HMBOX1: variants seen among roughly 807,000 people sequenced by gnomAD.
The protein encoded by HMBOX1 is homeobox-containing protein 1.
A neutral mutation model predicts 54.5 loss-of-function variants in HMBOX1; 14 were observed. The observed-to-expected ratio is 0.26, with a 90% CI of 0.17 to 0.40. The LOEUF (loss-of-function observed/expected upper bound fraction) is 0.40. HMBOX1 is among the 10% of genes least tolerant of loss of function. The pLI, the probability that HMBOX1 is intolerant of heterozygous loss-of-function variation, is 1.00. For synonymous variants in HMBOX1, 160 were observed against 181.0 expected (o/e 0.88, Z 0.93); for missense variants, 332 against 514.4 (o/e 0.65, Z 3.43).
intron 1 of HMBOX1, among the ~76,000 whole-genome samples, chr8:28,955,053 A>G (rs1197618493): frequency 1.3e-5 from 2 of 152,150 alleles, no homozygotes; most frequent in Non-Finnish European, 2.9e-5. Flanking sequence ...TCATTGCTCT[A>G]CTTGACTTCA....
Position 29,053,128 on chromosome 8 carries a change from G to A in HMBOX1, c.*1973G>A, listed in dbSNP as rs1806591534. 6.6e-6 allele frequency: 1 copy of A among 152,460 alleles called. No homozygotes were observed. The highest frequency in any genetic ancestry group is 1.5e-5 in the Non-Finnish European group (1 of 68,044). The allele number at this position is 152,460 out of a possible 1,614,324, so 9.4% of individuals were successfully genotyped here. The stretch of plus-strand genomic sequence containing the variant: ...TTAATCCTGCTTATGTGAGTGTGAG[G>A]AAAGTCTTTGAGAGGGCATGAAAGT... On this transcript the variant is annotated 3_prime_UTR_variant, in exon 10 of 10. Transcript: ENST00000287701.
At chr8:28,954,956 A>G (rs74462618) in intron 1 of HMBOX1, among the ~76,000 whole-genome samples, 2 of 152,156 alleles carry the variant, frequency 1.3e-5, no homozygotes, top group Non-Finnish European at 2.9e-5. Context: ...CCTTCTGGCA[A>G]TACAGTATCG....
chr8:28,945,536 A>G (rs904516716), intron 1 of HMBOX1, among the ~76,000 whole-genome samples: 2 of 152,262 alleles, frequency 1.3e-5, no homozygotes, highest in Admixed American at 1.3e-4. Flanking sequence ...CTCAAGTAAG[A>G]TAACAGTAGG....
At chr8:28,941,991 T>A (rs1821512599) in intron 1 of HMBOX1, among the ~76,000 whole-genome samples, 2 of 152,200 alleles carry the variant, frequency 1.3e-5, no homozygotes, top group South Asian at 4.1e-4. Context: ...CCTTACAGCC[T>A]CCTTGGGAAG....
intron 4 of HMBOX1, among the ~76,000 whole-genome samples, chr8:28,984,823 A>G (rs529011488): frequency 6.6e-6 from 1 of 152,246 alleles, no homozygotes; most frequent in Non-Finnish European, 1.5e-5. Flanking sequence ...AGCATGCAGA[A>G]TAAATGAGTA....
intron 1 of HMBOX1, among the ~76,000 whole-genome samples, chr8:28,953,830 G>A (rs1480911026): frequency 6.6e-6 from 1 of 152,080 alleles, no homozygotes; most frequent in Non-Finnish European, 1.5e-5. Flanking sequence ...TCCTCTTTCT[G>A]CTCTTTTACA....
At chr8:29,031,426 ATAT>A (rs1223220573) in intron 6 of HMBOX1, among the ~76,000 whole-genome samples, 2 of 152,238 alleles carry the variant, frequency 1.3e-5, no homozygotes, top group East Asian at 1.9e-4. Context: ...AAGAAACAGT[ATAT>A]TATTATAATA....
At chr8:28,964,281 A>C (rs1826086579) in intron 2 of HMBOX1, among the ~76,000 whole-genome samples, 1 of 152,156 alleles carries the variant, frequency 6.6e-6, no homozygotes, top group Non-Finnish European at 1.5e-5. Flanking sequence ...ATACATCTTC[A>C]TGTTGCCTTT....
At chr8:28,984,470 A>G (rs1249710423) in intron 4 of HMBOX1, among the ~76,000 whole-genome samples, 1 of 152,240 alleles carries the variant, frequency 6.6e-6, no homozygotes, top group Non-Finnish European at 1.5e-5. Context: ...ATTATAAGAT[A>G]AACAAGAAGT....
At chr8:29,048,397 GA>G (rs1412792374) in intron 8 of HMBOX1, 1 of 152,152 alleles carries the variant, frequency 6.6e-6, no homozygotes, top group African/African-American at 2.4e-5. Flanking sequence ...ACTGAAAAAG[GA>G]AGAAATAAAG....
At chr8:28,916,665 GATCT>G (rs1816617273) in intron 1 of HMBOX1, among the ~76,000 whole-genome samples, 1 of 151,892 alleles carries the variant, frequency 6.6e-6, no homozygotes, top group Non-Finnish European at 1.5e-5. Context: ...CTATTCTATT[GATCT>G]ATCTGTCTGT....
intron 1 of HMBOX1, among the ~76,000 whole-genome samples, chr8:28,930,485 A>G (rs956101422): frequency 2.6e-5 from 4 of 152,172 alleles, no homozygotes; most frequent in Non-Finnish European, 2.9e-5. Context: ...AAGGCCCTCT[A>G]CAATCTACCC....
Position 28,973,813 on chromosome 8 carries a change from T to TTTTTTTTTTTTTG in HMBOX1, c.500+3306_500+3307insGTTTTTTTTTTTT, listed in dbSNP as rs1563501780. Among the ~76,000 whole-genome samples the TTTTTTTTTTTTTG allele has an allele frequency of 2.6e-3, 90 of 35,052 alleles. 2 individuals carry two copies. Among genetic ancestry groups the TTTTTTTTTTTTTG allele is most frequent in the East Asian group, 4.2e-3 (8 of 1,896 alleles). 23.0% of individuals were successfully genotyped at this position (35,052 alleles called of 152,430 possible). ...GAGATACATAATGGAGTTTTTTTTT[T>TTTTTTTTTTTTTG]TTTTTTTTTTTTTTTTTTTTTGAGA... On this transcript the variant is annotated intron_variant, in intron 3 of 9. Coordinates refer to ENST00000287701, the MANE Select transcript of HMBOX1 (RefSeq NM_001135726.3).
At chr8:28,985,508 T>A (rs1408583834) in intron 4 of HMBOX1, among the ~76,000 whole-genome samples, 1 of 152,218 alleles carries the variant, frequency 6.6e-6, no homozygotes, top group African/African-American at 2.4e-5. Context: ...TCTATTCTGT[T>A]TTTAAGTTGT....
chr8:28,909,510 G>A (rs78150603), intron 1 of HMBOX1, among the ~76,000 whole-genome samples: 3,225 of 152,218 alleles, frequency 0.021, 51 homozygotes, highest in Non-Finnish European at 0.032. Flanking sequence ...CAGTGCCCAT[G>A]GATCAATACT....
intron 9 of HMBOX1, 81 bp downstream of exon 9, chr8:29,049,129 C>A: frequency 6.8e-7 from 1 of 1,468,600 alleles, no homozygotes; most frequent in Non-Finnish European, 9.5e-7. Flanking sequence ...TTGGGTGTGG[C>A]TGATGGGGTG....
intron 6 of HMBOX1, among the ~76,000 whole-genome samples, chr8:29,027,794 C>T (rs967145457): frequency 4.6e-5 from 7 of 152,110 alleles, no homozygotes; most frequent in South Asian, 4.2e-4. Context: ...AATTTTTAAT[C>T]GAAGTGGCTG....
intron 4 of HMBOX1, among the ~76,000 whole-genome samples, chr8:28,998,648 TAAGG>T (rs1474591470): frequency 1.3e-5 from 2 of 152,256 alleles, no homozygotes; most frequent in Non-Finnish European, 1.5e-5. Flanking sequence ...TTAATTATGA[TAAGG>T]AAGAATTTAT....
chr8:29,009,973 A>ATAG, intron 5 of HMBOX1: 1 of 985,162 alleles, frequency 1.0e-6, no homozygotes, highest in Non-Finnish European at 1.2e-6. Context: ...CACAGACTAA[A>ATAG]ACACTAGTTG....
Sources: allele counts gnomAD v4.1 joint callset (sites outside exome capture counted in the v4.1 genomes callset), GRCh38; gene constraint gnomAD v4.1.1; transcripts MANE v1.5; gene names NCBI Gene and HGNC (gene_info 2026-07-23, HGNC 2026-07-21).